The following INTS13 variants were observed in gnomAD, a reference collection of about 807,000 sequenced individuals.
INTS13 encodes asunder, spermatogenesis regulator homolog (Drosphila).
Under a neutral mutation model 90.2 loss-of-function variants are expected in INTS13, and 35 were observed. The observed-to-expected ratio is 0.39, with a 90% CI of 0.30 to 0.51. INTS13 has a LOEUF of 0.51. INTS13 is among the 20% of genes least tolerant of loss of function. The pLI is 0.80. For synonymous variants in INTS13, 309 were observed against 277.1 expected (o/e 1.11, Z -1.14); for missense variants, 601 against 851.2 (o/e 0.71, Z 3.66).
At chr12:26,916,973 A>G (rs189776278) in intron 10 of INTS13, among the ~76,000 whole-genome samples, 159 of 152,300 alleles carry the variant, frequency 1.0e-3, no homozygotes, top group African/African-American at 3.7e-3. Context: ...TAAATGGTCT[A>G]TATTATTCTA....
intron 14 of INTS13, among the ~76,000 whole-genome samples, chr12:26,911,540 G>A (rs552998461): frequency 6.6e-6 from 1 of 151,830 alleles, no homozygotes; most frequent in South Asian, 2.1e-4. Context: ...AATGATTCAG[G>A]AATTAGCTGT....
intron 6 of INTS13, 75 bp from the exon 7 acceptor site, chr12:26,924,558 T>C (rs1021334464): frequency 7.1e-7 from 1 of 1,401,108 alleles, no homozygotes; most frequent in Non-Finnish European, 9.6e-7. Flanking sequence ...TATTTTAGTA[T>C]AAATCCATTA....
intron 10 of INTS13, among the ~76,000 whole-genome samples, chr12:26,916,426 T>C (rs764269144): frequency 6.6e-6 from 1 of 152,210 alleles, no homozygotes; most frequent in Non-Finnish European, 1.5e-5. Context: ...GTCTCTGGCA[T>C]AATACGTTTG....
At chr12:26,914,843 C>T (rs190175130) in intron 11 of INTS13, among the ~76,000 whole-genome samples, 169 of 152,256 alleles carry the variant, frequency 1.1e-3, no homozygotes, top group African/African-American at 4.0e-3. Flanking sequence ...CCAAGGAACA[C>T]TTTTTTTCCC....
intron 2 of INTS13, among the ~76,000 whole-genome samples, chr12:26,935,875 T>G (rs1238132647): frequency 1.3e-5 from 2 of 152,244 alleles, no homozygotes; most frequent in Non-Finnish European, 2.9e-5. Flanking sequence ...CACTTGTGGC[T>G]AAACAAATGA....
intron 3 of INTS13, among the ~76,000 whole-genome samples, chr12:26,934,292 TAAAC>T (rs915280642): frequency 2.0e-5 from 3 of 151,920 alleles, no homozygotes; most frequent in Non-Finnish European, 2.9e-5. Flanking sequence ...AGTAGATAAA[TAAAC>T]AGAGAACTCA....
chr12:26,938,185 T>C (rs1938590224), upstream of INTS13: 1 of 152,344 alleles, frequency 6.6e-6, no homozygotes, highest in African/African-American at 2.4e-5. Context: ...AGTCACCCAT[T>C]GGGAAGCAGG....
intron 14 of INTS13, 65 bp from the exon 15 acceptor site, chr12:26,911,382 TA>T: frequency 1.4e-6 from 2 of 1,394,464 alleles, no homozygotes; most frequent in Non-Finnish European, 1.9e-6. Context: ...GTCTAATAAT[TA>T]AACTAACTTT....
Position 26,917,748 on chromosome 12 carries a change from C to T in INTS13, c.890-15G>A, listed in dbSNP as rs1565823961. ...ATGCGAATCACCTTTAAAAATATGTCAGAGACATTACACATTGTATACATG... is the reference window on the plus strand; with the variant it reads ...ATGCGAATCACCTTTAAAAATATGTTAGAGACATTACACATTGTATACATG... On this transcript the variant is annotated splice_polypyrimidine_tract_variant and intron_variant, in intron 8 of 16. Transcript: ENST00000261191. 6.3e-7 allele frequency: 1 copy of T among 1,586,640 alleles called. No individual in the cohort carries two copies. Among genetic ancestry groups the T allele is most frequent in the South Asian group, 1.1e-5 (1 of 90,526 alleles).
chr12:26,925,710 T>TTTA (rs751745869), intron 6 of INTS13, 51 bp downstream of exon 6: 3 of 1,376,742 alleles, frequency 2.2e-6, no homozygotes, highest in South Asian at 2.5e-5. Context: ...CTTCTCAGTA[T>TTTA]TTATTATTAT....
At chr12:26,935,699 A>C (rs1352385375) in intron 2 of INTS13, among the ~76,000 whole-genome samples, 1 of 152,176 alleles carries the variant, frequency 6.6e-6, no homozygotes, top group Admixed American at 6.5e-5. Flanking sequence ...TATTTTTATC[A>C]CACACAGAAT....
intron 1 of INTS13, among the ~76,000 whole-genome samples, chr12:26,937,261 G>T (rs1023202318): frequency 2.6e-5 from 4 of 152,162 alleles, no homozygotes; most frequent in African/African-American, 9.7e-5. Flanking sequence ...CGTTTGAAGG[G>T]GGACTGGCGG....
chr12:26,909,905 T>C (rs1003686638), intron 15 of INTS13, among the ~76,000 whole-genome samples: 13 of 152,190 alleles, frequency 8.5e-5, no homozygotes, highest in African/African-American at 3.1e-4. Context: ...AAGCTGGTTC[T>C]ACTGCCTTAG....
At chr12:26,910,327 A>C (rs1212672210) in intron 15 of INTS13, among the ~76,000 whole-genome samples, 1 of 152,124 alleles carries the variant, frequency 6.6e-6, no homozygotes, top group Non-Finnish European at 1.5e-5. Flanking sequence ...TAAAACACAA[A>C]CTTTATATGC....
At chr12:26,909,472 CTTTTTTTT>C in intron 15 of INTS13, among the ~76,000 whole-genome samples, 1 of 127,066 alleles carries the variant, frequency 7.9e-6, no homozygotes, top group South Asian at 2.5e-4. Flanking sequence ...AGATAATACT[CTTTTTTTT>C]TTTTTTTTTT....
intron 15 of INTS13, among the ~76,000 whole-genome samples, chr12:26,908,924 C>T (rs1951690475): frequency 6.6e-6 from 1 of 152,140 alleles, no homozygotes; most frequent in African/African-American, 2.4e-5. Context: ...TTAATGATAG[C>T]TGATATTTCA....
chr12:26,906,637 G>C (rs1951618382), intron 15 of INTS13, among the ~76,000 whole-genome samples, 200 bp from the exon 16 acceptor site: 1 of 152,156 alleles, frequency 6.6e-6, no homozygotes, highest in Non-Finnish European at 1.5e-5. Flanking sequence ...GTCCCCAAGA[G>C]CAACCACTAG....
chr12:26,913,976 T>C lies in INTS13; in HGVS notation c.1572A>G (p.Lys524=). Residue 524 remains lysine, a splice_region_variant and synonymous_variant, in exon 13 of 17, where the codon AAA becomes AAG. Transcript: ENST00000261191. ...GTAAGAAAGAAAAAAAAATGTACCT[T>C]TTAGGGCCCTTTCCTCTTGTACCAA... The part of the protein sequence containing the change: ...STVGTRGKGP[K]RDEQYRIMWN... 1 of 1,603,008 alleles carries C rather than the reference T, an allele frequency of 6.2e-7. No individual in the cohort carries two copies. The highest frequency in any genetic ancestry group is 8.5e-7 in the Non-Finnish European group (1 of 1,177,340).
chr12:26,924,556 T>C, intron 6 of INTS13, 73 bp from the exon 7 acceptor site: 1 of 1,413,802 alleles, frequency 7.1e-7, no homozygotes, highest in Non-Finnish European at 9.5e-7. Context: ...AATATTTTAG[T>C]ATAAATCCAT....
Sources: gnomAD v4.1 joint callset for allele counts (sites outside exome capture counted in the v4.1 genomes callset) on GRCh38, gnomAD v4.1.1 for gene constraint, MANE v1.5 for transcripts, NCBI Gene and HGNC (gene_info 2026-07-23, HGNC 2026-07-21) for gene names.